NLGN1: variants seen among roughly 807,000 people sequenced by gnomAD.
NLGN1 encodes the protein neuroligin-1.
A neutral mutation model predicts 65.5 loss-of-function variants in NLGN1; 12 were observed. The ratio of observed to expected loss-of-function variants is 0.18; its 90% CI spans 0.12 to 0.30. The LOEUF (loss-of-function observed/expected upper bound fraction) is 0.30, where lower values mean the gene tolerates loss of function less well. NLGN1 is among the 10% of genes least tolerant of loss of function. The probability of loss-of-function intolerance (pLI) is 1.00; values close to 1 mark genes in which losing one functional copy is unlikely to be tolerated. For synonymous variants in NLGN1, 350 were observed against 359.5 expected, an observed-to-expected ratio of 0.97 and a Z score of 0.30; for missense variants, 750 against 1,007.1, an observed-to-expected ratio of 0.74 and a Z score of 3.46.
intron 3 of NLGN1, among the ~76,000 whole-genome samples, chr3:173,730,820 G>A (rs972473648): frequency 4.6e-5 from 7 of 152,128 alleles, no homozygotes; most frequent in Admixed American, 4.6e-4. Flanking sequence ...AATGTTTAAA[G>A]CTTACTTACG....
chr3:173,739,932 G>A (rs1774375522), intron 3 of NLGN1, among the ~76,000 whole-genome samples: 1 of 152,130 alleles, frequency 6.6e-6, no homozygotes, highest in Non-Finnish European at 1.5e-5. Flanking sequence ...ACAGATTGCT[G>A]CACTACTGAT....
At chr3:173,965,539 G>A (rs1015989181) in intron 4 of NLGN1, among the ~76,000 whole-genome samples, 7 of 148,820 alleles carry the variant, frequency 4.7e-5, no homozygotes, top group South Asian at 2.1e-4. Context: ...GAATGGTCTC[G>A]AACTACTGAC....
chr3:173,822,305 G>A (rs1043562499), intron 4 of NLGN1, among the ~76,000 whole-genome samples: 2 of 152,102 alleles, frequency 1.3e-5, no homozygotes, highest in East Asian at 1.9e-4. Context: ...CAGCATCCAA[G>A]TGGAACTGCT....
intron 4 of NLGN1, among the ~76,000 whole-genome samples, chr3:174,011,222 T>A (rs1253962528): frequency 6.6e-6 from 1 of 152,194 alleles, no homozygotes; most frequent in Non-Finnish European, 1.5e-5. Context: ...TTTTCAGTAT[T>A]AATCTATGTC....
chr3:174,223,850 C>T (rs1374207067), intron 4 of NLGN1, among the ~76,000 whole-genome samples: 3 of 152,122 alleles, frequency 2.0e-5, no homozygotes, highest in East Asian at 1.9e-4. Context: ...CCAAATTGCT[C>T]CTCCTTCTGC....
chr3:173,791,520 GTT>G (rs200604296), intron 3 of NLGN1, among the ~76,000 whole-genome samples: 13,034 of 133,612 alleles, frequency 0.098, 613 homozygotes, highest in African/African-American at 0.12. Flanking sequence ...AGTTTCTTCT[GTT>G]TTTTTTTTTT....
At chr3:174,203,310 G>C (rs1167600219) in intron 4 of NLGN1, among the ~76,000 whole-genome samples, 1 of 152,146 alleles carries the variant, frequency 6.6e-6, no homozygotes, top group Non-Finnish European at 1.5e-5. Flanking sequence ...ATCCTTATTT[G>C]AAGGTCCACT....
chr3:173,984,893 C>A (rs781272558), intron 4 of NLGN1, among the ~76,000 whole-genome samples: 6 of 151,990 alleles, frequency 3.9e-5, no homozygotes, highest in Non-Finnish European at 5.9e-5. Context: ...AATACAAAAA[C>A]TAGCCAGGTG....
intron 4 of NLGN1, among the ~76,000 whole-genome samples, chr3:174,095,570 G>C (rs1745356078): frequency 6.6e-6 from 1 of 151,392 alleles, no homozygotes; most frequent in Non-Finnish European, 1.5e-5. Context: ...ATGTATGTAT[G>C]TATATGTACA....
chr3:173,943,538 G>A (rs1746539025), intron 4 of NLGN1, among the ~76,000 whole-genome samples: 1 of 152,124 alleles, frequency 6.6e-6, no homozygotes, highest in Non-Finnish European at 1.5e-5. Flanking sequence ...AGGTAATGGC[G>A]AGTCTGGTCC....
Position 173,983,093 on chromosome 3 carries a change from T to C in NLGN1, c.646+175261T>C, listed in dbSNP as rs139596255. Among the ~76,000 whole-genome samples, 373 of 152,102 alleles carry C rather than the reference T, an allele frequency of 2.5e-3. 1 individual carries two copies. Among genetic ancestry groups the C allele is most frequent in the African/African-American group, 8.5e-3 (354 of 41,536 alleles). On this transcript the variant is annotated intron_variant, in intron 4 of 6. Transcript: ENST00000457714. ...AAGTTTAAAAATACAAGTTTTCGAG[T>C]TCTTCTGTTTTTTCTTCATTATTTT...
chr3:174,013,602 T>A (rs1725967480), intron 4 of NLGN1, among the ~76,000 whole-genome samples: 1 of 152,242 alleles, frequency 6.6e-6, no homozygotes, highest in African/African-American at 2.4e-5. Context: ...GTCAACAGAA[T>A]CCAAGCGTAT....
intron 4 of NLGN1, among the ~76,000 whole-genome samples, chr3:174,265,783 G>GTGTATATATATATATATGTGTA: frequency 7.8e-6 from 1 of 128,518 alleles, no homozygotes; most frequent in Non-Finnish European, 1.6e-5. Flanking sequence ...ATATATATAT[G>GTGTATATATATATATATGTGTA]TATATATATA....
At chr3:174,223,605 T>TAG (rs995435312) in intron 4 of NLGN1, among the ~76,000 whole-genome samples, 1 of 152,204 alleles carries the variant, frequency 6.6e-6, no homozygotes, top group Non-Finnish European at 1.5e-5. Context: ...CTGAATGTCT[T>TAG]TTCCTGACTT....
chr3:174,292,404 C>T, the NLGN1 span, among the ~76,000 whole-genome samples: 1 of 151,148 alleles, frequency 6.6e-6, no homozygotes, highest in Non-Finnish European at 1.5e-5. Flanking sequence ...GACAGAGGAA[C>T]CAATACAAAG....
At chr3:173,597,810 TG>T (rs11329024) in intron 2 of NLGN1, among the ~76,000 whole-genome samples, 120,920 of 151,856 alleles carry the variant, frequency 0.8, 49,680 homozygotes, top group South Asian at 0.92. Context: ...TTATAAATAC[TG>T]ATGACTTCAT....
intron 4 of NLGN1, among the ~76,000 whole-genome samples, chr3:173,974,220 C>T (rs560982163): frequency 6.7e-6 from 1 of 148,772 alleles, no homozygotes; most frequent in Admixed American, 6.7e-5. Context: ...GAAAGATTTA[C>T]TTCATTCCAA....
At chr3:173,871,151 G>A (rs1274376788) in intron 4 of NLGN1, among the ~76,000 whole-genome samples, 2 of 152,158 alleles carry the variant, frequency 1.3e-5, no homozygotes, top group African/African-American at 4.8e-5. Context: ...TGCTGAACAT[G>A]TGGTGATGCA....
At chr3:173,432,852 G>A (rs1490252266) in intron 1 of NLGN1, among the ~76,000 whole-genome samples, 4 of 151,936 alleles carry the variant, frequency 2.6e-5, no homozygotes, top group Non-Finnish European at 4.4e-5. Context: ...TCCTTTTAGA[G>A]GATAATGATA....
Sources: allele counts gnomAD v4.1 joint callset (sites outside exome capture counted in the v4.1 genomes callset), GRCh38; gene constraint gnomAD v4.1.1; transcripts MANE v1.5; gene names NCBI Gene and HGNC (gene_info 2026-07-23, HGNC 2026-07-21).